The following ESRP1 variants were observed in gnomAD, a reference collection of about 807,000 sequenced individuals.
The protein encoded by ESRP1 is RNA-binding motif protein 35A.
Under a neutral mutation model 81.7 loss-of-function variants are expected in ESRP1, and 33 were observed. The observed-to-expected ratio is 0.40, with a 90% confidence interval of 0.31 to 0.54. The LOEUF (loss-of-function observed/expected upper bound fraction) is 0.54, where lower values mean the gene tolerates loss of function less well. Among genes scored for constraint, ESRP1 ranks in the 20% least tolerant of loss-of-function variants. The pLI, the probability that ESRP1 is intolerant of heterozygous loss-of-function variation, is 0.41. For synonymous variants in ESRP1, 320 were observed against 303.3 expected, an observed-to-expected ratio of 1.06 and a Z score of -0.57; for missense variants, 672 against 833.1, an observed-to-expected ratio of 0.81 and a Z score of 2.38.
intron 4 of ESRP1, among the ~76,000 whole-genome samples, chr8:94,661,888 A>G (rs1411595337): frequency 6.6e-6 from 1 of 152,214 alleles, no homozygotes; most frequent in Non-Finnish European, 1.5e-5. Flanking sequence ...TAGTGTTGAT[A>G]ATGTCACCAT....
At chr8:94,692,289 C>T (rs2130715124) in intron 13 of ESRP1, among the ~76,000 whole-genome samples, 1 of 152,024 alleles carries the variant, frequency 6.6e-6, no homozygotes, top group East Asian at 1.9e-4. Context: ...GCTGTGGTTC[C>T]CTTTAGTTCT....
intron 9 of ESRP1, among the ~76,000 whole-genome samples, chr8:94,666,754 G>A (rs1016625099): frequency 5.9e-5 from 9 of 151,896 alleles, no homozygotes; most frequent in African/African-American, 2.2e-4. Context: ...CCCAAGCAAT[G>A]TTTGATATTG....
At chr8:94,680,244 A>G (rs565774707) in intron 13 of ESRP1, among the ~76,000 whole-genome samples, 7 of 152,252 alleles carry the variant, frequency 4.6e-5, no homozygotes, top group African/African-American at 9.6e-5. Flanking sequence ...ATAAGCTAAT[A>G]CTTCCAAATT....
chr8:94,664,333 A>G (rs1282741259), intron 6 of ESRP1, among the ~76,000 whole-genome samples: 1 of 152,058 alleles, frequency 6.6e-6, no homozygotes, highest in Non-Finnish European at 1.5e-5. Context: ...CATGTTGGCC[A>G]GGCTGGTCGC....
At chr8:94,647,153 A>G (rs1181891159) in intron 4 of ESRP1, among the ~76,000 whole-genome samples, 1 of 152,146 alleles carries the variant, frequency 6.6e-6, no homozygotes, top group Admixed American at 6.6e-5. Context: ...TTCCTGATTG[A>G]AGTTTGCTCG....
chr8:94,650,732 A>G (rs560017682), intron 4 of ESRP1, among the ~76,000 whole-genome samples: 6 of 149,886 alleles, frequency 4.0e-5, no homozygotes, highest in Admixed American at 4.0e-4. Flanking sequence ...TTTTTTTTTG[A>G]GACGGAGTCT....
At chr8:94,672,694 G>A (rs929398116) in intron 11 of ESRP1, among the ~76,000 whole-genome samples, 2 of 151,984 alleles carry the variant, frequency 1.3e-5, no homozygotes, top group African/African-American at 2.4e-5. Flanking sequence ...CACCATTCCC[G>A]GCTAATTTTG....
intron 12 of ESRP1, among the ~76,000 whole-genome samples, chr8:94,676,990 TA>T (rs950667437): frequency 1.9e-4 from 29 of 151,708 alleles, no homozygotes; most frequent in African/African-American, 7.0e-4. Context: ...CTGTTTCTAC[TA>T]AAAAAAAATT....
chr8:94,646,152 C>T lies in ESRP1; in HGVS notation c.376-16C>T. The T allele has an allele frequency of 6.8e-7, 1 of 1,478,234 alleles. No homozygotes were observed. Among genetic ancestry groups the T allele is most frequent in the Non-Finnish European group, 9.4e-7 (1 of 1,063,482 alleles). 91.6% of individuals were successfully genotyped at this position (1,478,234 alleles called of 1,614,324 possible). ...AAATTCACCTAGTTAACATTATCTA[C>T]CTTGTCCTTCCTCAGAATGTACTAT... On this transcript the variant is annotated splice_polypyrimidine_tract_variant and intron_variant, in intron 3 of 15. Transcript: ENST00000433389.
At chr8:94,703,226 C>T (rs1329866996) in intron 15 of ESRP1, among the ~76,000 whole-genome samples, 1 of 151,504 alleles carries the variant, frequency 6.6e-6, no homozygotes, top group East Asian at 1.9e-4. Flanking sequence ...GCAATCTCGG[C>T]TCACTGCAAC....
At chr8:94,667,715 C>A (rs1247855286) in intron 9 of ESRP1, among the ~76,000 whole-genome samples, 1 of 152,074 alleles carries the variant, frequency 6.6e-6, no homozygotes, top group Non-Finnish European at 1.5e-5. Context: ...TAGTGATTGG[C>A]CCGTGATTTA....
chr8:94,664,507 C>T (rs1294369121), intron 6 of ESRP1, among the ~76,000 whole-genome samples, 190 bp from the exon 7 acceptor site: 2 of 152,162 alleles, frequency 1.3e-5, no homozygotes, highest in African/African-American at 4.8e-5. Context: ...CTATAATGAA[C>T]CACCTAAACA....
chr8:94,642,604 T>C (rs1417069183), intron 2 of ESRP1, among the ~76,000 whole-genome samples: 1 of 152,188 alleles, frequency 6.6e-6, no homozygotes, highest in Non-Finnish European at 1.5e-5. Flanking sequence ...TCATTATTTC[T>C]TTAGTGGCCT....
At chr8:94,698,194 G>A (rs1418371648) in intron 15 of ESRP1, among the ~76,000 whole-genome samples, 2 of 152,330 alleles carry the variant, frequency 1.3e-5, no homozygotes, top group Middle Eastern at 6.8e-3. Context: ...AGGTACCGCC[G>A]TCCAGCTCCA....
At chr8:94,646,353 C>A in intron 4 of ESRP1, 71 bp downstream of exon 4, 1 of 1,066,396 alleles carries the variant, frequency 9.4e-7, no homozygotes, top group Non-Finnish European at 1.3e-6. Context: ...AAGAAACTTT[C>A]AAACATTTTA....
chr8:94,696,732 G>T, intron 14 of ESRP1, 120 bp from the exon 15 acceptor site: 1 of 715,552 alleles, frequency 1.4e-6, no homozygotes. Context: ...TTGTACCTGT[G>T]TTTGTTTCCT....
Position 94,643,357 on chromosome 8 carries a change from C to G in ESRP1, c.316C>G (p.Leu106Val), listed in dbSNP as rs117073283. ...LNIGVGTSFC[L>V]CTDGQLHVRQ... is the part of the protein sequence containing the mutation. Reference sequence around the variant, plus strand: ...TATTGGAGTAGGGACTTCCTTCTGTCTCTGTACTGATGGGCAGCTTCATGT... The same window carrying G: ...TATTGGAGTAGGGACTTCCTTCTGTGTCTGTACTGATGGGCAGCTTCATGT... Residue 106 changes from leucine (L) to valine (V), a missense_variant, in exon 3 of 16, where the codon CTC (leucine) becomes GTC (valine). Transcript: ENST00000433389. The G allele has an allele frequency of 2.1e-3, 3,324 of 1,613,868 alleles. 2 individuals carry two copies. The highest frequency in any genetic ancestry group is 2.6e-3 in the Non-Finnish European group (3,032 of 1,179,766).
At chr8:94,659,160 C>T (rs919045044) in intron 4 of ESRP1, among the ~76,000 whole-genome samples, 6 of 151,986 alleles carry the variant, frequency 3.9e-5, no homozygotes, top group South Asian at 2.1e-4. Context: ...GGATTACAGG[C>T]GTGAGCCACC....
At chr8:94,669,320 A>T (rs1819187595) in intron 10 of ESRP1, among the ~76,000 whole-genome samples, 1 of 152,188 alleles carries the variant, frequency 6.6e-6, no homozygotes, top group African/African-American at 2.4e-5. Context: ...ATGATTCCAC[A>T]GGTCTGCTTT....
Sources: gnomAD v4.1 joint callset for allele counts (sites outside exome capture counted in the v4.1 genomes callset) on GRCh38, gnomAD v4.1.1 for gene constraint, MANE v1.5 for transcripts, NCBI Gene and HGNC (gene_info 2026-07-23, HGNC 2026-07-21) for gene names.